The following ROBO1 variants were observed in gnomAD, a reference collection of about 807,000 sequenced individuals.
ROBO1 encodes the protein roundabout guidance receptor 1.
A neutral mutation model predicts 195.9 loss-of-function variants in ROBO1; 149 were observed. The observed-to-expected ratio is 0.76, with a 90% CI of 0.67 to 0.87. The LOEUF is 0.87. ROBO1 is among the 40% of genes least tolerant of loss of function. The pLI is 0.00. For synonymous variants in ROBO1, 816 were observed against 733.2 expected (o/e 1.11, Z -1.82); for missense variants, 1,933 against 2,068.3 (o/e 0.93, Z 1.27).
Position 79,713,628 on chromosome 3 carries a change from T to C in ROBO1, c.-51+54124A>G, listed in dbSNP as rs1387051751. Among the ~76,000 whole-genome samples the C allele has an allele frequency of 4.6e-5, 7 of 152,172 alleles. No individual in the cohort carries two copies. In the East Asian group the frequency reaches 1.2e-3, roughly 25 times the overall value. ...TCCCATTTGTCAATTTTGGCTTTTG[T>C]TGCCGTTGCTTTTGGTGTTTTAGAC... is the stretch of plus-strand genomic sequence containing the variant. On this transcript the variant is annotated intron_variant, in intron 1 of 30. Transcript: ENST00000464233.
intron 3 of ROBO1, among the ~76,000 whole-genome samples, chr3:79,021,014 C>G (rs1391735407): frequency 6.6e-6 from 1 of 152,098 alleles, no homozygotes; most frequent in Non-Finnish European, 1.5e-5. Flanking sequence ...ATTTTGGTTG[C>G]TGCTGGTGCA....
intron 2 of ROBO1, among the ~76,000 whole-genome samples, chr3:79,477,211 C>T (rs945706897): frequency 1.3e-5 from 2 of 152,118 alleles, no homozygotes; most frequent in African/African-American, 4.8e-5. Flanking sequence ...GTAATATAGG[C>T]ATATCATTAT....
intron 2 of ROBO1, among the ~76,000 whole-genome samples, chr3:79,466,200 A>C (rs559626989): frequency 6.6e-6 from 1 of 152,298 alleles, no homozygotes; most frequent in East Asian, 1.9e-4. Flanking sequence ...CATATTTTTG[A>C]AAGAATACAG....
At chr3:78,606,457 A>G (rs1440159520) in intron 29 of ROBO1, among the ~76,000 whole-genome samples, 1 of 152,076 alleles carries the variant, frequency 6.6e-6, no homozygotes. Context: ...TTCTCAACCT[A>G]TTTATTTTCC....
intron 3 of ROBO1, among the ~76,000 whole-genome samples, chr3:79,103,840 A>G (rs2079725110): frequency 6.6e-6 from 1 of 151,790 alleles, no homozygotes; most frequent in Admixed American, 6.6e-5. Context: ...AAAGAAAATT[A>G]TTTGTTGATT....
At chr3:78,629,657 C>CAAACCAAACCA (rs1553686372) in intron 25 of ROBO1, among the ~76,000 whole-genome samples, 1 of 150,428 alleles carries the variant, frequency 6.6e-6, no homozygotes, top group East Asian at 2.0e-4. Flanking sequence ...AAAACCAAAC[C>CAAACCAAACCA]AACCAAACCA....
At chr3:78,962,313 G>A (rs191507671) in intron 3 of ROBO1, among the ~76,000 whole-genome samples, 31 of 152,234 alleles carry the variant, frequency 2.0e-4, no homozygotes, top group Non-Finnish European at 3.2e-4. Context: ...AGATATAAAC[G>A]CAACAGTCTT....
At chr3:79,315,205 G>A (rs1172737481) in intron 2 of ROBO1, among the ~76,000 whole-genome samples, 1 of 152,166 alleles carries the variant, frequency 6.6e-6, no homozygotes, top group East Asian at 1.9e-4. Context: ...ACTTTAGGAG[G>A]CTGAGGTGGG....
At chr3:79,305,553 T>A (rs1178712933) in intron 2 of ROBO1, among the ~76,000 whole-genome samples, 1 of 149,640 alleles carries the variant, frequency 6.7e-6, no homozygotes, top group Non-Finnish European at 1.5e-5. Flanking sequence ...AATCAATACA[T>A]TTTAGAAAAT....
chr3:79,685,646 G>T (rs1320034372), intron 1 of ROBO1, among the ~76,000 whole-genome samples: 1 of 152,120 alleles, frequency 6.6e-6, no homozygotes, highest in African/African-American at 2.4e-5. Context: ...AACCCATTGT[G>T]CACGCTCCAG....
intron 2 of ROBO1, among the ~76,000 whole-genome samples, chr3:79,345,829 T>A (rs2035092137): frequency 6.6e-6 from 1 of 152,210 alleles, no homozygotes; most frequent in East Asian, 1.9e-4. Context: ...GCTGTCCTCA[T>A]GTTTTATTAA....
chr3:79,716,781 A>C (rs1702506453), intron 1 of ROBO1, among the ~76,000 whole-genome samples: 1 of 151,982 alleles, frequency 6.6e-6, no homozygotes, highest in African/African-American at 2.4e-5. Context: ...TGCCAATATA[A>C]GGACTAAAAC....
chr3:78,900,360 TAGG>T (rs1437387363), intron 4 of ROBO1, among the ~76,000 whole-genome samples: 2 of 152,124 alleles, frequency 1.3e-5, no homozygotes, highest in East Asian at 3.8e-4. Flanking sequence ...CCCCAAAGAA[TAGG>T]AGAATAGATT....
chr3:78,614,798 G>T lies in ROBO1; in HGVS notation c.4285C>A (p.Arg1429Ser). The T allele has an allele frequency of 2.5e-6, 4 of 1,581,542 alleles. No homozygotes were observed. Among genetic ancestry groups the T allele is most frequent in the Non-Finnish European group, 3.4e-6 (4 of 1,167,844 alleles). ...ARRQMQDAAG[R>S]RHFHASQCPR... is the part of the protein sequence containing the mutation. ...CACTGAGACGCATGAAAATGTCGACGGCCTAAGGAGAAAAAAAAAAAAAAT... is the reference window on the plus strand; with the variant it reads ...CACTGAGACGCATGAAAATGTCGACTGCCTAAGGAGAAAAAAAAAAAAAAT... Residue 1429 changes from arginine to serine, a missense_variant and splice_region_variant, in exon 28 of 31, where the codon CGT becomes AGT. Physicochemically the swap from Arg to Ser is moderately radical, Grantham distance 110. Transcript: ENST00000464233.
At chr3:79,500,423 C>A (rs776697006) in intron 2 of ROBO1, among the ~76,000 whole-genome samples, 1 of 152,226 alleles carries the variant, frequency 6.6e-6, no homozygotes, top group African/African-American at 2.4e-5. Flanking sequence ...AGCCACCGGG[C>A]TTGGCCCCAG....
At chr3:78,759,997 T>C (rs1478074515) in intron 4 of ROBO1, among the ~76,000 whole-genome samples, 2 of 152,128 alleles carry the variant, frequency 1.3e-5, no homozygotes, top group Non-Finnish European at 2.9e-5. Flanking sequence ...TTCCCACGTG[T>C]TGTGGGAGGA....
At chr3:79,473,185 T>TATTAG (rs1938375284) in intron 2 of ROBO1, among the ~76,000 whole-genome samples, 2 of 152,092 alleles carry the variant, frequency 1.3e-5, no homozygotes, top group African/African-American at 4.8e-5. Flanking sequence ...TGGCATCCTT[T>TATTAG]ATTAGAGAAA....
chr3:79,517,277 T>G (rs918506129), intron 2 of ROBO1, among the ~76,000 whole-genome samples: 2 of 152,242 alleles, frequency 1.3e-5, no homozygotes, highest in Admixed American at 6.5e-5. Flanking sequence ...TACCAATAAC[T>G]GAATTTCCAG....
chr3:79,039,580 G>A (rs1444152366), intron 3 of ROBO1, among the ~76,000 whole-genome samples: 3 of 151,892 alleles, frequency 2.0e-5, no homozygotes, highest in East Asian at 3.9e-4. Context: ...GGCAGATCAC[G>A]AGGTCAGGAG....
Sources: allele counts gnomAD v4.1 joint callset (sites outside exome capture counted in the v4.1 genomes callset), GRCh38; gene constraint gnomAD v4.1.1; transcripts MANE v1.5; gene names NCBI Gene and HGNC (gene_info 2026-07-23, HGNC 2026-07-21).